The following C10orf90 variants were observed in gnomAD, a reference collection of about 807,000 sequenced individuals.
The protein encoded by C10orf90 is (E2-independent) E3 ubiquitin-conjugating enzyme FATS.
Under a neutral mutation model 62.5 loss-of-function variants are expected in C10orf90, and 56 were observed. The observed-to-expected ratio is 0.90, with a 90% CI of 0.72 to 1.12. The LOEUF (loss-of-function observed/expected upper bound fraction) is 1.12, where lower values mean the gene tolerates loss of function less well. C10orf90 is among the 50% of genes most tolerant of loss of function. C10orf90 has a pLI of 0.00. For missense variants in C10orf90, 970 were observed against 880.4 expected (o/e 1.10, Z -1.29); for synonymous variants, 386 against 340.4 (o/e 1.13, Z -1.47).
At chr10:126,437,612 A>G (rs927300047) in intron 7 of C10orf90, among the ~76,000 whole-genome samples, 6 of 152,256 alleles carry the variant, frequency 3.9e-5, no homozygotes, top group Admixed American at 6.5e-5. Flanking sequence ...CAGATCCACA[A>G]CAAATATTTT....
intron 2 of C10orf90, among the ~76,000 whole-genome samples, chr10:126,627,670 T>C (rs1839559753): frequency 6.6e-6 from 1 of 152,192 alleles, no homozygotes; most frequent in Non-Finnish European, 1.5e-5. Context: ...AGTAAGTTAA[T>C]AGGTTAAAGC....
chr10:126,571,267 C>T (rs1486432410), intron 2 of C10orf90, among the ~76,000 whole-genome samples: 1 of 152,214 alleles, frequency 6.6e-6, no homozygotes, highest in African/African-American at 2.4e-5. Flanking sequence ...ATCATTCATT[C>T]TTGACCCGGC....
At chr10:126,654,013 A>G (rs1846342798) in intron 1 of C10orf90, among the ~76,000 whole-genome samples, 1 of 152,172 alleles carries the variant, frequency 6.6e-6, no homozygotes, top group Non-Finnish European at 1.5e-5. Flanking sequence ...GGCTTAAAAT[A>G]GTCAATAAAC....
chr10:126,647,415 C>T lies in C10orf90; in HGVS notation c.241-778G>A, dbSNP rs183999671. On this transcript the variant is annotated intron_variant, in intron 1 of 9. Transcript: ENST00000488181. ...TGAGCCTCAGTTCATGTCCCAGTCC[C>T]GAAGCTGAGTTAAACTTTTTGGTGT... 3.6e-4 allele frequency among the ~76,000 whole-genome samples: 55 copies of T among 152,292 alleles called. No homozygotes were observed. The South Asian group carries it at 7.7e-3, about 21-fold the overall frequency.
At chr10:126,436,830 T>C (rs867103430) in intron 7 of C10orf90, among the ~76,000 whole-genome samples, 1 of 152,080 alleles carries the variant, frequency 6.6e-6, no homozygotes, top group Non-Finnish European at 1.5e-5. Context: ...GTTATTTTTG[T>C]TTTGTTTTTT....
intron 4 of C10orf90, among the ~76,000 whole-genome samples, chr10:126,472,740 A>G (rs919060674): frequency 4.6e-5 from 7 of 152,226 alleles, no homozygotes; most frequent in African/African-American, 1.7e-4. Flanking sequence ...ATGTTGACCA[A>G]GGTCCCCACA....
At chr10:126,497,440 C>A (rs1564834040) in intron 4 of C10orf90, among the ~76,000 whole-genome samples, 1 of 152,208 alleles carries the variant, frequency 6.6e-6, no homozygotes, top group Non-Finnish European at 1.5e-5. Flanking sequence ...TTCCCTTTGA[C>A]TCTGAGCATC....
intron 2 of C10orf90, among the ~76,000 whole-genome samples, chr10:126,644,488 C>G (rs886235731): frequency 6.6e-6 from 1 of 152,216 alleles, no homozygotes; most frequent in South Asian, 2.1e-4. Flanking sequence ...CTAGAATATA[C>G]TCAAGGTTTA....
rs1391937228 is a variant in C10orf90, at chr10:126,453,653, TGCAGTGAGTACAG to T, written c.2188+5374_2188+5386del. Among the ~76,000 whole-genome samples, 114 of 152,264 alleles carry T rather than the reference TGCAGTGAGTACAG, an allele frequency of 7.5e-4. No homozygotes were observed. The highest frequency in any genetic ancestry group is 2.9e-3 in the East Asian group (15 of 5,174). The stretch of plus-strand genomic sequence containing the variant: ...TTGAGCACTGTCAGGCTGAGTTAAC[TGCAGTGAGTACAG>T]GCAGTAGCAGTAATTCATAACAAAG... On this transcript the variant is annotated intron_variant, in intron 7 of 9. Transcript: ENST00000488181. The surrounding 1 kb of genome is among the most constrained non-coding windows in gnomAD (Gnocchi z 4.9).
chr10:126,630,257 T>A (rs1166029802), intron 2 of C10orf90, among the ~76,000 whole-genome samples: 1 of 152,160 alleles, frequency 6.6e-6, no homozygotes, highest in Non-Finnish European at 1.5e-5. Flanking sequence ...AAGGCCTTCA[T>A]TCAGCAAATC....
intron 7 of C10orf90, among the ~76,000 whole-genome samples, chr10:126,445,274 C>G (rs560002254): frequency 1.2e-3 from 182 of 152,186 alleles, no homozygotes; most frequent in African/African-American, 4.3e-3. Flanking sequence ...ATACATCTGA[C>G]AAAGGACAAA....
intron 2 of C10orf90, among the ~76,000 whole-genome samples, chr10:126,634,137 C>T (rs1188476902): frequency 6.6e-6 from 1 of 152,128 alleles, no homozygotes; most frequent in Non-Finnish European, 1.5e-5. Context: ...AGGTATATAT[C>T]CAAAAGGCTT....
intron 4 of C10orf90, among the ~76,000 whole-genome samples, chr10:126,477,691 T>A (rs143937761): frequency 6.6e-6 from 1 of 152,194 alleles, no homozygotes; most frequent in South Asian, 2.1e-4. Context: ...AGCCTAAACA[T>A]GCAATGTTTC....
chr10:126,472,182 C>T (rs1860617081), intron 4 of C10orf90, among the ~76,000 whole-genome samples: 1 of 152,034 alleles, frequency 6.6e-6, no homozygotes, highest in Non-Finnish European at 1.5e-5. Flanking sequence ...CTAAAGTTTC[C>T]CAAAGTGACC....
At chr10:126,630,904 G>A (rs538706990) in intron 2 of C10orf90, among the ~76,000 whole-genome samples, 5 of 152,278 alleles carry the variant, frequency 3.3e-5, no homozygotes, top group African/African-American at 1.2e-4. Flanking sequence ...TGGGACAGCT[G>A]CTGCAGGCCT....
intron 2 of C10orf90, among the ~76,000 whole-genome samples, chr10:126,517,544 CT>C (rs1401754225): frequency 2.6e-5 from 4 of 152,134 alleles, no homozygotes; most frequent in Non-Finnish European, 5.9e-5. Context: ...GGGAGAGTGA[CT>C]GACAATGGCT....
intron 2 of C10orf90, among the ~76,000 whole-genome samples, chr10:126,543,934 T>C (rs1864432068): frequency 6.6e-6 from 1 of 152,060 alleles, no homozygotes; most frequent in African/African-American, 2.4e-5. Context: ...AGGGTCGCGG[T>C]GACATGTCAG....
intron 2 of C10orf90, among the ~76,000 whole-genome samples, chr10:126,569,782 T>C (rs537511260): frequency 1.1e-4 from 16 of 152,074 alleles, no homozygotes; most frequent in African/African-American, 3.9e-4. Flanking sequence ...ACATGGAAAA[T>C]AGCTCTTCTG....
chr10:126,661,633 T>G (rs771927212), intron 1 of C10orf90, among the ~76,000 whole-genome samples: 27 of 151,740 alleles, frequency 1.8e-4, no homozygotes, highest in Non-Finnish European at 3.7e-4. Context: ...TCTCTTGCTG[T>G]CTCTCCCTCT....
Sources: gnomAD v4.1 joint callset for allele counts (sites outside exome capture counted in the v4.1 genomes callset) on GRCh38, gnomAD v4.1.1 for gene constraint, Gnocchi (gnomAD v3.1) non-coding constraint, MANE v1.5 for transcripts, NCBI Gene and HGNC (gene_info 2026-07-23, HGNC 2026-07-21) for gene names.